Variants in SYNJ1 observed in about 807,000 individuals in gnomAD.
SYNJ1 encodes the protein synaptojanin 1.
Under a neutral mutation model 168.2 loss-of-function variants are expected in SYNJ1, and 78 were observed. The observed-to-expected ratio is 0.46, with a 90% confidence interval of 0.39 to 0.56. The LOEUF is 0.56. Among genes scored for constraint, SYNJ1 ranks in the 20% least tolerant of loss-of-function variants. The probability of loss-of-function intolerance (pLI) is 0.00; values close to 1 mark genes in which losing one functional copy is unlikely to be tolerated. For missense variants in SYNJ1, 1,303 were observed against 1,597.6 expected, an observed-to-expected ratio of 0.82 and a Z score of 3.14; for synonymous variants, 539 against 548.6, an observed-to-expected ratio of 0.98 and a Z score of 0.24.
intron 2 of SYNJ1, among the ~76,000 whole-genome samples, chr21:32,720,331 G>C (rs890093349): frequency 3.4e-4 from 52 of 152,192 alleles, no homozygotes; most frequent in Non-Finnish European, 1.9e-4. Flanking sequence ...TTAATGTTGT[G>C]ACTGGCAGAA....
chr21:32,728,031 T>C (rs1177593762), upstream of SYNJ1: 3 of 1,533,590 alleles, frequency 2.0e-6, no homozygotes, highest in South Asian at 3.6e-5. Flanking sequence ...CAGGCCCATC[T>C]CTTCCGCATT....
chr21:32,686,943 T>C (rs755121703), intron 8 of SYNJ1, 35 bp downstream of exon 8: 31 of 1,330,074 alleles, frequency 2.3e-5, no homozygotes, highest in Non-Finnish European at 3.0e-5. Flanking sequence ...TAGGTGTCCA[T>C]GGGCCAGAAT....
intron 1 of SYNJ1, 71 bp downstream of exon 1, chr21:32,727,875 G>C: frequency 1.3e-6 from 2 of 1,524,018 alleles, no homozygotes; most frequent in East Asian, 2.5e-5. Context: ...ACTGGTCTTG[G>C]AGGCGTCCGC....
At chr21:32,705,930 T>A (rs1312129739) in intron 2 of SYNJ1, among the ~76,000 whole-genome samples, 1 of 152,082 alleles carries the variant, frequency 6.6e-6, no homozygotes, top group Non-Finnish European at 1.5e-5. Context: ...AAGGCTGCAG[T>A]GAGCTGAGAT....
rs1452843334 is a variant in SYNJ1 at position 32,659,085 on chromosome 21, C to A, written c.2305-1213G>T. Among the ~76,000 whole-genome samples the A allele has an allele frequency of 2.0e-5, 3 of 150,818 alleles. No individual in the cohort carries two copies. The East Asian group carries it at 5.8e-4, about 29-fold the overall frequency. On this transcript the variant is annotated intron_variant, in intron 18 of 32. Coordinates refer to ENST00000674351, the MANE Select transcript of SYNJ1 (RefSeq NM_203446.3). ...GGCACCATACCAGATGGCCACTGAT[C>A]CTTTTACCTAAAAAAAAAAAAAAAT...
At chr21:32,712,203 A>G (rs950150088) in intron 2 of SYNJ1, among the ~76,000 whole-genome samples, 2 of 152,192 alleles carry the variant, frequency 1.3e-5, no homozygotes, top group African/African-American at 4.8e-5. Context: ...TAGAACCACA[A>G]TTTGCCTGTG....
At chr21:32,668,587 T>C (rs975941656) in intron 15 of SYNJ1, among the ~76,000 whole-genome samples, 1 of 152,196 alleles carries the variant, frequency 6.6e-6, no homozygotes, top group Non-Finnish European at 1.5e-5. Context: ...CCTAATAAAA[T>C]ATTTGTCACT....
At chr21:32,710,586 A>G (rs1001053265) in intron 2 of SYNJ1, among the ~76,000 whole-genome samples, 2 of 151,786 alleles carry the variant, frequency 1.3e-5, no homozygotes, top group African/African-American at 4.8e-5. Flanking sequence ...GTGCAGTGGC[A>G]TGATCATAGC....
chr21:32,697,787 T>C (rs1272190004), intron 4 of SYNJ1, among the ~76,000 whole-genome samples: 1 of 152,132 alleles, frequency 6.6e-6, no homozygotes, highest in African/African-American at 2.4e-5. Context: ...GGCGACAGAG[T>C]GACACTCAAA....
At chr21:32,679,047 A>C (rs1416687736) in intron 11 of SYNJ1, among the ~76,000 whole-genome samples, 6 of 152,178 alleles carry the variant, frequency 3.9e-5, no homozygotes, top group Non-Finnish European at 7.4e-5. Context: ...AACCTCATCC[A>C]GTAATTACAT....
Position 32,631,359 on chromosome 21 carries a change from CT to C in SYNJ1, c.*445del. ...AAAGCCATCAAGTGAAGATGAAGCC[CT>C]GCTTTTGTTATGACCAAGAGGCTGC... On this transcript the variant is annotated 3_prime_UTR_variant, in exon 33 of 33. Coordinates refer to ENST00000674351, the MANE Select transcript of SYNJ1 (RefSeq NM_203446.3). The C allele has an allele frequency of 6.2e-7, 1 of 1,614,146 alleles. No individual in the cohort carries two copies. The highest frequency in any genetic ancestry group is 2.2e-5 in the East Asian group (1 of 44,886).
chr21:32,725,271 C>G (rs1458755093), intron 2 of SYNJ1, among the ~76,000 whole-genome samples: 1 of 152,110 alleles, frequency 6.6e-6, no homozygotes, highest in East Asian at 1.9e-4. Context: ...CATACAAAAA[C>G]AAACATTCGC....
intron 18 of SYNJ1, among the ~76,000 whole-genome samples, chr21:32,659,929 C>T (rs374373762): frequency 8.5e-5 from 13 of 152,302 alleles, no homozygotes; most frequent in South Asian, 8.3e-4. Context: ...TGGGGGACTC[C>T]GGCCAGCTTG....
chr21:32,682,062 T>TA (rs898075653), intron 10 of SYNJ1, among the ~76,000 whole-genome samples: 5 of 151,580 alleles, frequency 3.3e-5, no homozygotes, highest in African/African-American at 4.8e-5. Flanking sequence ...GTAATTAAGG[T>TA]AAAAAAAATG....
At chr21:32,671,652 G>C (rs1413624079) in intron 14 of SYNJ1, among the ~76,000 whole-genome samples, 1 of 152,154 alleles carries the variant, frequency 6.6e-6, no homozygotes, top group African/African-American at 2.4e-5. Context: ...TGAAATAATA[G>C]GTCAGCTCTG....
intron 2 of SYNJ1, among the ~76,000 whole-genome samples, chr21:32,709,482 A>T (rs1466403923): frequency 2.7e-5 from 4 of 149,540 alleles, no homozygotes; most frequent in Admixed American, 2.0e-4. Flanking sequence ...TGTCTCAAAA[A>T]AAAAAAAAAA....
In SYNJ1 at chr21:32,645,204, TAAAC is replaced by T. The variant is rs142688189; in HGVS notation, c.3392-202_3392-199del. ...CACTATATTTAATTTAAAAGAACAT[TAAAC>T]AAATACATACAATTGTACATTAATA... On this transcript the variant is annotated intron_variant, in intron 25 of 32. Coordinates refer to ENST00000674351, the MANE Select transcript of SYNJ1 (RefSeq NM_203446.3). Among the ~76,000 whole-genome samples, 1,662 of 152,334 alleles carry T rather than the reference TAAAC, an allele frequency of 0.011. 33 individuals are homozygous for T. The highest frequency in any genetic ancestry group is 0.037 in the African/African-American group (1,554 of 41,566).
At chr21:32,662,599 C>CT (rs1341838466) in intron 18 of SYNJ1, among the ~76,000 whole-genome samples, 1 of 151,960 alleles carries the variant, frequency 6.6e-6, no homozygotes, top group Non-Finnish European at 1.5e-5. Context: ...AAAGGGGTGC[C>CT]CAAACGCATA....
Position 32,665,085 on chromosome 21 carries a change from G to A in SYNJ1, c.2146-14C>T. ...TAGCATCCTTCCCTGAAAGCAATGAGATAGAATTTTAAATTCAAAACAATC... is the reference window on the plus strand; with the variant it reads ...TAGCATCCTTCCCTGAAAGCAATGAAATAGAATTTTAAATTCAAAACAATC... On this transcript the variant is annotated splice_polypyrimidine_tract_variant and intron_variant, in intron 17 of 32. Transcript: ENST00000674351. The A allele has an allele frequency of 1.3e-6, 2 of 1,570,086 alleles. No homozygotes were observed. Among genetic ancestry groups the A allele is most frequent in the Non-Finnish European group, 1.7e-6 (2 of 1,156,264 alleles).
Sources: gnomAD v4.1 joint callset for allele counts (sites outside exome capture counted in the v4.1 genomes callset) on GRCh38, gnomAD v4.1.1 for gene constraint, MANE v1.5 for transcripts, NCBI Gene and HGNC (gene_info 2026-07-23, HGNC 2026-07-21) for gene names.